Variants in CABIN1 observed in about 807,000 individuals in gnomAD.
The protein encoded by CABIN1 is calcineurin binding protein 1.
Under a neutral mutation model 227.7 loss-of-function variants are expected in CABIN1, and 133 were observed. That is an observed-to-expected ratio of 0.58 (90% confidence interval 0.51 to 0.67). The LOEUF (loss-of-function observed/expected upper bound fraction) is 0.67. Among genes scored for constraint, CABIN1 ranks in the 30% least tolerant of loss-of-function variants. CABIN1 has a pLI of 0.00. For synonymous variants in CABIN1, 1,086 were observed against 1,155.1 expected, an observed-to-expected ratio of 0.94 and a Z score of 1.21; for missense variants, 2,408 against 2,852.5, an observed-to-expected ratio of 0.84 and a Z score of 3.55.
In CABIN1 at chr22:24,087,488, C is replaced by T. The variant is rs751088679; in HGVS notation, c.3300C>T (p.Ala1100=). The change falls in exon 23 of 37, where the codon GCC becomes GCT. Residue 1100 remains alanine (A), a synonymous_variant. Transcript: ENST00000263119. ...GGGCAGGCATGGCTCTGGCCCGGGCCAGCCGCATTCAGGACAAGCTGAACT... is the reference window on the plus strand; with the variant it reads ...GGGCAGGCATGGCTCTGGCCCGGGCTAGCCGCATTCAGGACAAGCTGAACT... ...DSWAGMALAR[A]SRIQDKLNSN... 3 of 1,614,008 alleles carry T rather than the reference C, an allele frequency of 1.9e-6. No individual in the cohort carries two copies. The highest frequency in any genetic ancestry group is 1.7e-6 in the Non-Finnish European group (2 of 1,180,046).
At chr22:24,051,064 G>T in intron 8 of CABIN1, 90 bp downstream of exon 8, 3 of 1,550,674 alleles carry the variant, frequency 1.9e-6, no homozygotes, top group Non-Finnish European at 2.7e-6. Context: ...AGACCTTGAG[G>T]CTTGATCCTG....
In CABIN1 at chr22:24,113,607, A is replaced by G. The variant is rs770365904; in HGVS notation, c.4159A>G (p.Ser1387Gly). Residue 1387 changes from serine to glycine, a missense_variant, in exon 27 of 37, where the codon AGC becomes GGC. Physicochemically the swap from Ser to Gly is moderately conservative, Grantham distance 56. Coordinates refer to ENST00000263119, the MANE Select transcript of CABIN1 (RefSeq NM_012295.4). ...CACAGCCGTAGCACTCTCAGACTCT[A>G]GCTCAACGCAGGACTTCTTTAATGA... ...DSTAVALSDS[S>G]STQDFFNEPT... is the part of the protein sequence containing the mutation. 2.2e-5 allele frequency: 35 copies of G among 1,613,964 alleles called. No individual in the cohort carries two copies. The highest frequency in any genetic ancestry group is 2.9e-5 in the Non-Finnish European group (34 of 1,180,026).
At chr22:24,036,611 A>G (rs867822598) in intron 3 of CABIN1, among the ~76,000 whole-genome samples, 17 of 151,680 alleles carry the variant, frequency 1.1e-4, no homozygotes, top group Non-Finnish European at 1.9e-4. Flanking sequence ...TCCAACCTCA[A>G]CTCCCTAGAT....
intron 29 of CABIN1, among the ~76,000 whole-genome samples, chr22:24,150,551 C>T (rs2045419522): frequency 6.6e-6 from 1 of 152,114 alleles, no homozygotes; most frequent in Non-Finnish European, 1.5e-5. Flanking sequence ...TGTGGAGGCC[C>T]GAGTGCTGTG....
chr22:24,065,627 C>T (rs1300580029), intron 15 of CABIN1, among the ~76,000 whole-genome samples: 5 of 152,214 alleles, frequency 3.3e-5, no homozygotes, highest in East Asian at 1.9e-4. Flanking sequence ...GCTGCAATCT[C>T]GGCACTTTGG....
rs138370365 is a variant in CABIN1, at chr22:24,069,578, A to T, written c.2233-1222A>T. On this transcript the variant is annotated intron_variant, in intron 16 of 36. Coordinates refer to ENST00000263119, the MANE Select transcript of CABIN1 (RefSeq NM_012295.4). ...TTTAGTAGTCTTTATCATGCTGGAA[A>T]ATAATCCTCTGGCTCTCACATGTTG... is the stretch of plus-strand genomic sequence containing the variant. 2.6e-5 allele frequency among the ~76,000 whole-genome samples: 4 copies of T among 152,290 alleles called. No individual in the cohort carries two copies. In the East Asian group the frequency reaches 7.7e-4, roughly 29 times the overall value.
intron 29 of CABIN1, among the ~76,000 whole-genome samples, chr22:24,148,267 G>A (rs2045272830): frequency 6.6e-6 from 1 of 152,246 alleles, no homozygotes; most frequent in Non-Finnish European, 1.5e-5. Context: ...TCCAATAGAA[G>A]AGTGTGTCTT....
chr22:24,092,369 C>T (rs1245952349), intron 24 of CABIN1, among the ~76,000 whole-genome samples: 2 of 152,194 alleles, frequency 1.3e-5, no homozygotes, highest in African/African-American at 4.8e-5. Context: ...CCTGGATTTT[C>T]TCTCATGGTT....
At chr22:24,137,311 A>G (rs1222462530) in intron 29 of CABIN1, among the ~76,000 whole-genome samples, 1 of 152,196 alleles carries the variant, frequency 6.6e-6, no homozygotes, top group Admixed American at 6.5e-5. Context: ...CCCGCAGAGC[A>G]CATCCAAGTT....
rs1480137506 is a variant in CABIN1 at position 24,085,006 on chromosome 22, G to A, written c.3118G>A (p.Val1040Ile). 1.2e-6 allele frequency: 2 copies of A among 1,614,150 alleles called. No individual in the cohort carries two copies. The highest frequency in any genetic ancestry group is 1.1e-5 in the South Asian group (1 of 91,084). ...TCATACTTTTCCTCTCACCTGCCAG[G>A]TACCCTGCCTCCCAGAGGGGGCTGA... ...SAYIEGTSTE[V>I]PCLPEGADPS... Residue 1040 changes from valine (V) to isoleucine (I), a missense_variant and splice_region_variant, in exon 22 of 37, where the codon GTA (valine) becomes ATA (isoleucine). Physicochemically the swap from Val to Ile is conservative, Grantham distance 29. Coordinates refer to ENST00000263119, the MANE Select transcript of CABIN1 (RefSeq NM_012295.4).
At chr22:24,028,397 A>G (rs994033603) in intron 1 of CABIN1, among the ~76,000 whole-genome samples, 1 of 152,218 alleles carries the variant, frequency 6.6e-6, no homozygotes, top group Admixed American at 6.5e-5. Flanking sequence ...TGGGAGTGCT[A>G]CAGTCCATGG....
chr22:24,048,940 T>G (rs2038109465), intron 6 of CABIN1, 151 bp from the exon 7 acceptor site: 2 of 900,490 alleles, frequency 2.2e-6, no homozygotes, highest in Non-Finnish European at 3.6e-6. Flanking sequence ...GTCTTATTAC[T>G]AACCTGACTG....
intron 1 of CABIN1, among the ~76,000 whole-genome samples, chr22:24,034,933 T>G (rs2036758276): frequency 6.6e-6 from 1 of 152,218 alleles, no homozygotes; most frequent in Admixed American, 6.5e-5. Flanking sequence ...TCAACTACCT[T>G]TCCATCCTCC....
intron 28 of CABIN1, among the ~76,000 whole-genome samples, chr22:24,121,416 G>A (rs960958536): frequency 6.6e-6 from 1 of 152,170 alleles, no homozygotes; most frequent in Non-Finnish European, 1.5e-5. Flanking sequence ...ATCATCTGGG[G>A]CTTTGGTCTG....
chr22:24,176,669 T>G (rs1025307166), intron 35 of CABIN1, among the ~76,000 whole-genome samples: 1 of 152,104 alleles, frequency 6.6e-6, no homozygotes, highest in East Asian at 1.9e-4. Context: ...TTGAGGGACA[T>G]CAGCAGCAGG....
chr22:24,148,286 G>T (rs1569283509), intron 29 of CABIN1, among the ~76,000 whole-genome samples: 1 of 152,168 alleles, frequency 6.6e-6, no homozygotes, highest in Non-Finnish European at 1.5e-5. Context: ...TTTATGGCAG[G>T]GCCATATGGA....
rs34365542 is a variant in CABIN1 at position 24,132,062 on chromosome 22, C to CAA, written c.4633-2223_4633-2222dup. Among the ~76,000 whole-genome samples the CAA allele has an allele frequency of 9.1e-3, 1,047 of 114,778 alleles. 15 individuals carry two copies. The highest frequency in any genetic ancestry group is 0.032 in the African/African-American group (972 of 30,388). 75.3% of individuals were successfully genotyped at this position (114,778 alleles called of 152,430 possible). On this transcript the variant is annotated intron_variant, in intron 28 of 36. Coordinates refer to ENST00000263119, the MANE Select transcript of CABIN1 (RefSeq NM_012295.4). ...GGGTTACGGAGTGACACTCTGTCTC[C>CAA]AAAAAAAAAAAAAAAAAATACAGTG...
At position 24,178,490 on chromosome 22, in the gene CABIN1, C is replaced by T; in HGVS notation, c.*294C>T. 2 of 450,674 alleles carry T rather than the reference C, an allele frequency of 4.4e-6. No individual in the cohort carries two copies. Among genetic ancestry groups the T allele is most frequent in the Non-Finnish European group, 8.3e-6 (2 of 242,030 alleles). The allele number at this position is 450,674 out of a possible 1,614,324, so 27.9% of individuals were successfully genotyped here. A position where few individuals can be genotyped will look rare whatever the true frequency, so the allele number is the denominator to read the frequency against. ...ATGAAGTGTTGACTTTGTAAATCTG[C>T]CCACACCCAGCTGGCCATATCCACC... is the stretch of plus-strand genomic sequence containing the variant. On this transcript the variant is annotated 3_prime_UTR_variant, in exon 37 of 37. Transcript: ENST00000263119.
At chr22:24,176,944 A>G (rs1325894804) in intron 35 of CABIN1, among the ~76,000 whole-genome samples, 1 of 152,240 alleles carries the variant, frequency 6.6e-6, no homozygotes, top group Non-Finnish European at 1.5e-5. Flanking sequence ...GAGACGAGCC[A>G]GGCCAGCCGG....
Sources: allele counts gnomAD v4.1 joint callset (sites outside exome capture counted in the v4.1 genomes callset), GRCh38; gene constraint gnomAD v4.1.1; transcripts MANE v1.5; gene names NCBI Gene and HGNC (gene_info 2026-07-23, HGNC 2026-07-21).